The following ANKIB1 variants were observed in gnomAD, a reference collection of about 807,000 sequenced individuals.
The protein encoded by ANKIB1 is ankyrin repeat and IBR domain-containing protein 1.
ANKIB1 carries 43 observed loss-of-function variants against 122.1 expected under a neutral mutation model. That is an observed-to-expected ratio of 0.35 (90% CI 0.28 to 0.45). The LOEUF is 0.45. ANKIB1 is among the 20% of genes least tolerant of loss of function. ANKIB1 has a pLI of 1.00. For synonymous variants in ANKIB1, 390 were observed against 442.0 expected (o/e 0.88, Z 1.48); for missense variants, 992 against 1,329.5 (o/e 0.75, Z 3.95).
chr7:92,247,846 T>G (rs1343910026), intron 1 of ANKIB1, among the ~76,000 whole-genome samples: 1 of 152,210 alleles, frequency 6.6e-6, no homozygotes, highest in East Asian at 1.9e-4. Context: ...TGAAAAACAT[T>G]GTCATTTCAT....
At position 92,386,561 on chromosome 7, in the gene ANKIB1, C is replaced by T. The variant is rs1804654495; in HGVS notation, c.1670C>T (p.Ser557Leu). ...ICLEEWKKHS[S>L]STGGYYRCTR... is the part of the protein sequence containing the mutation. ...CTTGAAGAGTGGAAAAAACATAGTT[C>T]GTCCACTGGAGGTTATTACAGATGT... Residue 557 changes from serine to leucine, a missense_variant, in exon 12 of 20, where the codon TCG becomes TTG. Around this residue, in one of 4 missense-constraint regions of ANKIB1, gnomAD observed 521 missense variants for 777.7 expected, o/e 0.67. Transcript: ENST00000265742. The T allele has an allele frequency of 6.2e-7, 1 of 1,605,094 alleles. No individual in the cohort carries two copies. The highest frequency in any genetic ancestry group is 1.1e-5 in the South Asian group (1 of 89,098).
intron 1 of ANKIB1, among the ~76,000 whole-genome samples, chr7:92,253,174 C>T (rs920609243): frequency 2.0e-5 from 3 of 152,184 alleles, no homozygotes; most frequent in African/African-American, 4.8e-5. Context: ...CAGGGTTTTT[C>T]CTAGCTTTCT....
intron 3 of ANKIB1, among the ~76,000 whole-genome samples, chr7:92,309,982 C>T (rs1043058085): frequency 1.5e-5 from 2 of 137,100 alleles, no homozygotes; most frequent in African/African-American, 2.8e-5. Context: ...GCTTTAATAT[C>T]TTGCTTCCAA....
Position 92,369,915 on chromosome 7 carries a change from T to C in ANKIB1, c.1487-1562T>C, listed in dbSNP as rs189560776. 2.3e-4 allele frequency among the ~76,000 whole-genome samples: 35 copies of C among 152,338 alleles called. 1 individual carries two copies. Among genetic ancestry groups the C allele is most frequent in the Non-Finnish European group, 1.0e-4 (7 of 68,030 alleles). On this transcript the variant is annotated intron_variant, in intron 10 of 19. Transcript: ENST00000265742. ...TGTCCATGGAAGGGAGAGGGAAGTT[T>C]ATAAAATGTAAAATTTAGAATCTTT... is the stretch of plus-strand genomic sequence containing the variant.
rs550868306 is a variant in ANKIB1 at position 92,363,230 on chromosome 7, G to A, written c.1486+957G>A. The stretch of plus-strand genomic sequence containing the variant: ...GATGGAGACCATCCTGGCCAACATG[G>A]TGAAACCCCATCTCTACTAAAAATA... On this transcript the variant is annotated intron_variant, in intron 10 of 19. Transcript: ENST00000265742. Among the ~76,000 whole-genome samples, 11 of 152,190 alleles carry A rather than the reference G, an allele frequency of 7.2e-5. No homozygotes were observed. In the South Asian group the frequency reaches 2.1e-3, roughly 29 times the overall value.
intron 9 of ANKIB1, among the ~76,000 whole-genome samples, 170 bp downstream of exon 9, chr7:92,352,812 G>GA: frequency 6.6e-6 from 1 of 152,174 alleles, no homozygotes; most frequent in African/African-American, 2.4e-5. Flanking sequence ...TGTGCTTAGT[G>GA]TGTGCCAGGC....
intron 5 of ANKIB1, among the ~76,000 whole-genome samples, chr7:92,338,102 T>A (rs1803328958): frequency 6.6e-6 from 1 of 152,078 alleles, no homozygotes; most frequent in Non-Finnish European, 1.5e-5. Flanking sequence ...AGAAAAGGGC[T>A]TGGCCCTACA....
At position 92,345,516 on chromosome 7, in the gene ANKIB1, C is replaced by A. The variant is rs371026708; in HGVS notation, c.1085+450C>A. On this transcript the variant is annotated intron_variant, in intron 7 of 19. Transcript: ENST00000265742. ...GTGAATGCAGAGTTAAATGTTTCAG[C>A]GAGACATAGTTGGGTATATTTTACC... Among the ~76,000 whole-genome samples the A allele has an allele frequency of 9.1e-4, 138 of 152,214 alleles. 3 individuals are homozygous for A. In the South Asian group the frequency reaches 0.028, roughly 31 times the overall value.
At chr7:92,357,230 A>G (rs1033850246) in intron 9 of ANKIB1, among the ~76,000 whole-genome samples, 2 of 152,078 alleles carry the variant, frequency 1.3e-5, no homozygotes, top group African/African-American at 4.8e-5. Context: ...TAGATTAGGC[A>G]ACTATTTTTT....
chr7:92,348,241 G>A (rs569323137), intron 7 of ANKIB1, among the ~76,000 whole-genome samples: 1 of 152,186 alleles, frequency 6.6e-6, no homozygotes, highest in Admixed American at 6.5e-5. Context: ...TCATCATGTA[G>A]TAACTATGTC....
intron 5 of ANKIB1, among the ~76,000 whole-genome samples, chr7:92,336,903 C>G (rs1803302585): frequency 6.6e-6 from 1 of 152,130 alleles, no homozygotes; most frequent in South Asian, 2.1e-4. Context: ...TAGCTGTTAT[C>G]TGTAGGAGAG....
At chr7:92,361,667 T>C (rs968706648) in intron 9 of ANKIB1, among the ~76,000 whole-genome samples, 3 of 150,126 alleles carry the variant, frequency 2.0e-5, no homozygotes, top group African/African-American at 7.2e-5. Context: ...ATGAATGTAC[T>C]GATTTTTTTT....
intron 1 of ANKIB1, among the ~76,000 whole-genome samples, chr7:92,275,639 A>G (rs1213922552): frequency 6.6e-6 from 1 of 152,152 alleles, no homozygotes; most frequent in Non-Finnish European, 1.5e-5. Context: ...AAGGACAGGG[A>G]CATAGAACTG....
intron 3 of ANKIB1, among the ~76,000 whole-genome samples, chr7:92,310,628 C>T (rs754745523): frequency 2.0e-5 from 3 of 152,134 alleles, no homozygotes; most frequent in Non-Finnish European, 4.4e-5. Flanking sequence ...TCTGCAGATA[C>T]GAAAATCCAC....
chr7:92,281,222 G>C (rs928222373), intron 1 of ANKIB1, among the ~76,000 whole-genome samples: 1 of 152,126 alleles, frequency 6.6e-6, no homozygotes, highest in Non-Finnish European at 1.5e-5. Context: ...TTAGAGACTC[G>C]GTGTCCAAGG....
chr7:92,270,650 T>A (rs2131891508), intron 1 of ANKIB1, among the ~76,000 whole-genome samples: 1 of 152,174 alleles, frequency 6.6e-6, no homozygotes, highest in South Asian at 2.1e-4. Context: ...GAAAACTCCC[T>A]TGTCCTGTCC....
chr7:92,291,995 C>A (rs974504785), intron 1 of ANKIB1, among the ~76,000 whole-genome samples: 10 of 152,312 alleles, frequency 6.6e-5, no homozygotes, highest in Admixed American at 5.9e-4. Context: ...ATAAGGAATT[C>A]TTTTCGCCTG....
At chr7:92,285,733 C>G (rs928584482) in intron 1 of ANKIB1, among the ~76,000 whole-genome samples, 1 of 152,156 alleles carries the variant, frequency 6.6e-6, no homozygotes, top group African/African-American at 2.4e-5. Flanking sequence ...AATAGATGAG[C>G]TATCATTTCA....
intron 3 of ANKIB1, among the ~76,000 whole-genome samples, chr7:92,315,544 C>G (rs1447619643): frequency 6.6e-6 from 1 of 151,972 alleles, no homozygotes; most frequent in Non-Finnish European, 1.5e-5. Context: ...GAGATGAGAA[C>G]AAGAAGTAGT....
Sources: gnomAD v4.1 joint callset for allele counts (sites outside exome capture counted in the v4.1 genomes callset) on GRCh38, gnomAD v4.1.1 for gene constraint, gnomAD v4.1.1 regional missense constraint, MANE v1.5 for transcripts, NCBI Gene and HGNC (gene_info 2026-07-23, HGNC 2026-07-21) for gene names.